Variants in PSEN1 observed in about 807,000 individuals in gnomAD.
The protein encoded by PSEN1 is presenilin-1.
In PSEN1, 15 loss-of-function variants were observed where a neutral mutation model predicts 53.5. The ratio of observed to expected loss-of-function variants is 0.28; its 90% CI spans 0.19 to 0.43. The LOEUF (loss-of-function observed/expected upper bound fraction) is 0.43. Ranked by LOEUF, PSEN1 falls within the 20% of genes least tolerant of loss-of-function variation. The pLI, the probability that PSEN1 is intolerant of heterozygous loss-of-function variation, is 1.00. For synonymous variants in PSEN1, 208 were observed against 209.8 expected, an observed-to-expected ratio of 0.99 and a Z score of 0.08; for missense variants, 387 against 571.2, an observed-to-expected ratio of 0.68 and a Z score of 3.29.
chr14:73,141,001 A>T (rs1896910270), intron 1 of PSEN1, among the ~76,000 whole-genome samples: 1 of 152,196 alleles, frequency 6.6e-6, no homozygotes, highest in South Asian at 2.1e-4. Context: ...ATCCATGATA[A>T]GCTTTTCTCA....
intron 5 of PSEN1, among the ~76,000 whole-genome samples, chr14:73,182,389 AG>A (rs1247591594): frequency 1.3e-5 from 2 of 152,018 alleles, no homozygotes; most frequent in Non-Finnish European, 1.5e-5. Context: ...CCTAGGTACT[AG>A]GGAGGCTGAG....
intron 9 of PSEN1, among the ~76,000 whole-genome samples, chr14:73,210,809 C>G (rs1018917423): frequency 6.6e-6 from 1 of 152,168 alleles, no homozygotes; most frequent in Non-Finnish European, 1.5e-5. Context: ...AAATCTACTT[C>G]TGCTCTGAAC....
At chr14:73,178,788 C>T (rs887213984) in intron 5 of PSEN1, among the ~76,000 whole-genome samples, 8 of 152,076 alleles carry the variant, frequency 5.3e-5, no homozygotes, top group Non-Finnish European at 7.4e-5. Context: ...CATTTTTATG[C>T]TCCAAGGATT....
chr14:73,159,946 C>T (rs1184053260), intron 3 of PSEN1: 2 of 160,874 alleles, frequency 1.2e-5, no homozygotes, highest in African/African-American at 2.4e-5. Flanking sequence ...CCTCAGCCTC[C>T]TGAGTAACTG....
intron 7 of PSEN1, among the ~76,000 whole-genome samples, chr14:73,195,597 T>G (rs1157164660): frequency 6.6e-6 from 1 of 152,178 alleles, no homozygotes; most frequent in East Asian, 1.9e-4. Flanking sequence ...CAGTAAATTT[T>G]TTTCTGTTTT....
chr14:73,147,549 T>A (rs2140507122), intron 1 of PSEN1: 2 of 200,410 alleles, frequency 1.0e-5, no homozygotes, highest in Admixed American at 1.1e-4. Flanking sequence ...ATTACTCAGC[T>A]CCCTTTGCTG....
At chr14:73,144,626 T>A (rs1388657169) in intron 1 of PSEN1, among the ~76,000 whole-genome samples, 2 of 152,218 alleles carry the variant, frequency 1.3e-5, no homozygotes, top group Non-Finnish European at 2.9e-5. Flanking sequence ...CAAGTGAACT[T>A]CTGTGTGCCA....
chr14:73,195,150 G>C (rs752259177), intron 7 of PSEN1, among the ~76,000 whole-genome samples: 87 of 152,218 alleles, frequency 5.7e-4, no homozygotes, highest in Middle Eastern at 3.4e-3. Flanking sequence ...AGAATGTCTG[G>C]GTTCAAATTC....
intron 5 of PSEN1, among the ~76,000 whole-genome samples, chr14:73,175,245 GC>G (rs1203343727): frequency 1.3e-5 from 2 of 152,108 alleles, no homozygotes; most frequent in African/African-American, 2.4e-5. Context: ...TTCTGCCTCA[GC>G]CCCCCGAGTA....
At chr14:73,194,979 A>G (rs1351262010) in intron 7 of PSEN1, among the ~76,000 whole-genome samples, 1 of 152,194 alleles carries the variant, frequency 6.6e-6, no homozygotes. Context: ...ATAGGATTGA[A>G]CTGGTTCTGT....
intron 3 of PSEN1, among the ~76,000 whole-genome samples, chr14:73,167,614 C>A (rs1375334960): frequency 6.6e-6 from 1 of 152,124 alleles, no homozygotes; most frequent in East Asian, 1.9e-4. Context: ...AACTATAGCA[C>A]CCTCCTTTAT....
At chr14:73,208,201 A>G (rs1398845054) in intron 9 of PSEN1, among the ~76,000 whole-genome samples, 1 of 152,180 alleles carries the variant, frequency 6.6e-6, no homozygotes, top group Non-Finnish European at 1.5e-5. Context: ...GCCACCTGCA[A>G]CGTGGCAAGT....
chr14:73,153,648 A>G (rs756168158), intron 3 of PSEN1, among the ~76,000 whole-genome samples: 2 of 143,074 alleles, frequency 1.4e-5, no homozygotes, highest in Non-Finnish European at 3.0e-5. Context: ...AATTCAAACA[A>G]TATCCATTAA....
chr14:73,183,839 G>T (rs1486734510), intron 5 of PSEN1, among the ~76,000 whole-genome samples: 1 of 151,062 alleles, frequency 6.6e-6, no homozygotes. Context: ...GGTGGTGGCC[G>T]GGCAGAGGGG....
At chr14:73,186,090 A>G (rs938572640) in intron 5 of PSEN1, among the ~76,000 whole-genome samples, 18 of 152,164 alleles carry the variant, frequency 1.2e-4, no homozygotes, top group South Asian at 2.1e-4. Context: ...AATTTAGAAT[A>G]TTCAAATGTT....
chr14:73,153,273 A>G (rs1019792909), intron 3 of PSEN1, among the ~76,000 whole-genome samples: 10 of 152,364 alleles, frequency 6.6e-5, no homozygotes, highest in African/African-American at 2.4e-4. Context: ...CCAGAGAAAC[A>G]TGCTAGCTTT....
At chr14:73,193,518 C>G (rs1898809139) in intron 7 of PSEN1, among the ~76,000 whole-genome samples, 1 of 135,082 alleles carries the variant, frequency 7.4e-6, no homozygotes, top group South Asian at 2.5e-4. Context: ...CCACTGCACT[C>G]TAGCCTGGGT....
chr14:73,154,809 G>A (rs1001680839), intron 3 of PSEN1, among the ~76,000 whole-genome samples: 12 of 152,170 alleles, frequency 7.9e-5, no homozygotes, highest in Non-Finnish European at 1.5e-5. Flanking sequence ...TATATGAAAA[G>A]CCTAGTTGAT....
chr14:73,168,230 C>T (rs569393568), intron 3 of PSEN1: 12 of 152,194 alleles, frequency 7.9e-5, no homozygotes, highest in African/African-American at 2.4e-4. Context: ...GTGGTGGGCA[C>T]CATAATCCCA....
Sources: gnomAD v4.1 joint callset for allele counts (sites outside exome capture counted in the v4.1 genomes callset) on GRCh38, gnomAD v4.1.1 for gene constraint, MANE v1.5 for transcripts, NCBI Gene and HGNC (gene_info 2026-07-23, HGNC 2026-07-21) for gene names.